The following STAG1 variants were observed in gnomAD, a reference collection of about 807,000 sequenced individuals.
STAG1 encodes cohesin subunit SA-1.
Under a neutral mutation model 170.9 loss-of-function variants are expected in STAG1, and 26 were observed. The ratio of observed to expected loss-of-function variants is 0.15; its 90% CI spans 0.11 to 0.21. STAG1 has a LOEUF of 0.21. STAG1 is among the 10% of genes least tolerant of loss of function. The pLI is 1.00. For missense variants in STAG1, 964 were observed against 1,509.5 expected (o/e 0.64, Z 5.99); for synonymous variants, 514 against 497.7 (o/e 1.03, Z -0.44).
chr3:136,360,500 T>C (rs1211634244), intron 26 of STAG1, among the ~76,000 whole-genome samples: 1 of 152,132 alleles, frequency 6.6e-6, no homozygotes. Flanking sequence ...CACCTCCCAA[T>C]CTCTCAATTT....
chr3:136,503,282 C>G (rs1933580125), intron 7 of STAG1, among the ~76,000 whole-genome samples: 1 of 152,148 alleles, frequency 6.6e-6, no homozygotes, highest in Non-Finnish European at 1.5e-5. Flanking sequence ...GTTGCACAAC[C>G]TCCAAACCCT....
chr3:136,646,594 G>GATTA (rs1941023081), intron 1 of STAG1, among the ~76,000 whole-genome samples: 1 of 152,150 alleles, frequency 6.6e-6, no homozygotes, highest in Non-Finnish European at 1.5e-5. Flanking sequence ...AATCTCTAGT[G>GATTA]TTCCATAGCA....
intron 22 of STAG1, 55 bp downstream of exon 22, chr3:136,398,694 A>T: frequency 9.6e-7 from 1 of 1,039,748 alleles, no homozygotes; most frequent in Non-Finnish European, 1.4e-6. Context: ...TTAAATAGTT[A>T]AGCAAGGTTA....
chr3:136,570,042 T>A (rs1336603499), intron 4 of STAG1, among the ~76,000 whole-genome samples: 12 of 152,226 alleles, frequency 7.9e-5, no homozygotes, highest in South Asian at 2.1e-4. Flanking sequence ...ATGTAAATTT[T>A]AAAAAAATAA....
At chr3:136,654,844 T>C (rs989542254) in intron 1 of STAG1, among the ~76,000 whole-genome samples, 4 of 152,138 alleles carry the variant, frequency 2.6e-5, no homozygotes, top group Admixed American at 2.6e-4. Flanking sequence ...AAATAAGCCC[T>C]TGCATGCATG....
chr3:136,501,856 A>G (rs966690995), intron 8 of STAG1, among the ~76,000 whole-genome samples: 7 of 152,142 alleles, frequency 4.6e-5, no homozygotes, highest in African/African-American at 1.7e-4. Context: ...GATTTTATGT[A>G]GTATTGGATA....
At chr3:136,720,847 A>C (rs562963163) in intron 1 of STAG1, among the ~76,000 whole-genome samples, 1 of 152,274 alleles carries the variant, frequency 6.6e-6, no homozygotes, top group Non-Finnish European at 1.5e-5. Flanking sequence ...TGTCCCCCCA[A>C]AAGAACTACC....
At chr3:136,465,066 G>A in intron 12 of STAG1, 78 bp from the exon 13 acceptor site, 1 of 1,081,426 alleles carries the variant, frequency 9.2e-7, no homozygotes, top group Middle Eastern at 2.1e-4. Context: ...ACTTGCTAAA[G>A]TTCATTATAA....
chr3:136,525,714 C>T (rs1934977483), intron 6 of STAG1, among the ~76,000 whole-genome samples: 1 of 152,192 alleles, frequency 6.6e-6, no homozygotes, highest in Non-Finnish European at 1.5e-5. Context: ...ATCTTTCCTG[C>T]TTTCTCTTGT....
intron 1 of STAG1, among the ~76,000 whole-genome samples, chr3:136,717,079 T>C (rs1337995090): frequency 2.0e-5 from 3 of 152,244 alleles, no homozygotes. Flanking sequence ...CGTTTTTGTC[T>C]GTTCTATTTC....
At chr3:136,408,364 T>C (rs1019832102) in intron 21 of STAG1, among the ~76,000 whole-genome samples, 4 of 152,176 alleles carry the variant, frequency 2.6e-5, no homozygotes, top group Non-Finnish European at 5.9e-5. Flanking sequence ...TGGATACACA[T>C]AGTTAAGAGT....
chr3:136,587,541 C>CAA (rs747339467), intron 4 of STAG1, among the ~76,000 whole-genome samples: 14,161 of 60,570 alleles, frequency 0.23, 1,550 homozygotes, highest in Non-Finnish European at 0.31. Flanking sequence ...AACTCCATCT[C>CAA]AAAAAAAAAA....
At chr3:136,360,630 T>C (rs1441542390) in intron 26 of STAG1, among the ~76,000 whole-genome samples, 1 of 152,294 alleles carries the variant, frequency 6.6e-6, no homozygotes, top group East Asian at 1.9e-4. Context: ...GAAGGAACAG[T>C]TCTTCCAGGG....
At chr3:136,497,911 G>C (rs1376573698) in intron 9 of STAG1, among the ~76,000 whole-genome samples, 3 of 149,970 alleles carry the variant, frequency 2.0e-5, no homozygotes, top group South Asian at 2.1e-4. Context: ...ATTACAGCTA[G>C]GCCGGGCCTG....
intron 12 of STAG1, among the ~76,000 whole-genome samples, chr3:136,472,193 T>C (rs933744325): frequency 6.6e-6 from 1 of 151,988 alleles, no homozygotes; most frequent in African/African-American, 2.4e-5. Flanking sequence ...CTAGGCTGCA[T>C]AAAATAATTT....
chr3:136,429,870 T>C (rs1295663679), intron 16 of STAG1, among the ~76,000 whole-genome samples: 1 of 152,232 alleles, frequency 6.6e-6, no homozygotes, highest in African/African-American at 2.4e-5. Context: ...ATATTTTCTC[T>C]TCCTTCTGAT....
At chr3:136,426,344 G>A (rs1017536917) in intron 16 of STAG1, among the ~76,000 whole-genome samples, 5 of 152,082 alleles carry the variant, frequency 3.3e-5, no homozygotes, top group African/African-American at 7.2e-5. Flanking sequence ...CCCAGGGGGC[G>A]GAGCCTGCAG....
chr3:136,723,301 G>T (rs1024878747), intron 1 of STAG1, among the ~76,000 whole-genome samples: 1 of 150,814 alleles, frequency 6.6e-6, no homozygotes, highest in South Asian at 2.1e-4. Context: ...GTCTCTGCCC[G>T]GCCGCCCATC....
At chr3:136,469,670 T>C (rs1292406168) in intron 12 of STAG1, among the ~76,000 whole-genome samples, 1 of 152,340 alleles carries the variant, frequency 6.6e-6, no homozygotes. Context: ...AGAGCTTGCA[T>C]TGCCAAGACA....
Sources: gnomAD v4.1 joint callset for allele counts (sites outside exome capture counted in the v4.1 genomes callset) on GRCh38, gnomAD v4.1.1 for gene constraint, MANE v1.5 for transcripts, NCBI Gene and HGNC (gene_info 2026-07-23, HGNC 2026-07-21) for gene names.